The following COL4A5 variants were observed in gnomAD, a reference collection of about 807,000 sequenced individuals.
COL4A5 encodes the protein collagen alpha-5(IV) chain.
Under a neutral mutation model 130.2 loss-of-function variants are expected in COL4A5, and 26 were observed. That is an observed-to-expected ratio of 0.20 (90% CI 0.15 to 0.28). The LOEUF is 0.28. Ranked by LOEUF, COL4A5 falls within the 10% of genes least tolerant of loss-of-function variation. COL4A5 has a pLI of 1.00. For synonymous variants in COL4A5, 496 were observed against 439.6 expected (o/e 1.13, Z -1.60); for missense variants, 1,131 against 1,344.3 (o/e 0.84, Z 2.48).
intron 1 of COL4A5, among the ~76,000 whole-genome samples, chrX:108,527,920 A>G (rs1216427127): frequency 1.8e-5 from 2 of 111,320 alleles, no homozygotes; most frequent in Admixed American, 9.5e-5. Context: ...GTCAGTGCAC[A>G]CTGCTCAAGA....
At chrX:108,513,095 G>A (rs1417224411) in intron 1 of COL4A5, among the ~76,000 whole-genome samples, 1 of 111,807 alleles carries the variant, frequency 8.9e-6, no homozygotes, top group Non-Finnish European at 1.9e-5. Context: ...TTTTAAGCAG[G>A]CTTTGTGTGA....
intron 36 of COL4A5, among the ~76,000 whole-genome samples, chrX:108,648,539 C>T (rs746888207): frequency 1.3e-4 from 15 of 111,487 alleles, no homozygotes; most frequent in Non-Finnish European, 2.8e-4. Context: ...GATAATCCAC[C>T]ATGATCAGGT....
chrX:108,674,972 G>C (rs2068277965), intron 43 of COL4A5, among the ~76,000 whole-genome samples: 1 of 110,422 alleles, frequency 9.1e-6, no homozygotes, highest in Non-Finnish European at 1.9e-5. Context: ...TTTATAATAA[G>C]TAATCAATAC....
intron 1 of COL4A5, among the ~76,000 whole-genome samples, chrX:108,469,316 T>C (rs1449367379): frequency 9.2e-6 from 1 of 109,285 alleles, no homozygotes; most frequent in Non-Finnish European, 1.9e-5. Context: ...TTTTTTAATT[T>C]TTATTTTTTG....
intron 43 of COL4A5, among the ~76,000 whole-genome samples, chrX:108,674,979 A>G (rs2068278265): frequency 9.0e-6 from 1 of 110,849 alleles, no homozygotes; most frequent in Non-Finnish European, 1.9e-5. Flanking sequence ...TAAGTAATCA[A>G]TACATAAAGA....
At chrX:108,475,491 C>A (rs141636887) in intron 1 of COL4A5, among the ~76,000 whole-genome samples, 23 of 111,477 alleles carry the variant, frequency 2.1e-4, no homozygotes, top group African/African-American at 6.5e-4. Context: ...GAGAGCAAAG[C>A]AGTGAGATCA....
chrX:108,596,562 A>G (rs1329789830), intron 22 of COL4A5, among the ~76,000 whole-genome samples: 1 of 112,364 alleles, frequency 8.9e-6, no homozygotes, highest in Non-Finnish European at 1.9e-5. Context: ...ACCAAATTTC[A>G]GGGAATGACA....
At chrX:108,599,883 G>A (rs1346659390) in intron 25 of COL4A5, among the ~76,000 whole-genome samples, 1 of 112,065 alleles carries the variant, frequency 8.9e-6, no homozygotes, top group African/African-American at 3.2e-5. Flanking sequence ...ATGTATTTAA[G>A]ATTAGCATTT....
At chrX:108,692,303 T>C (rs2068650282) in intron 49 of COL4A5, among the ~76,000 whole-genome samples, 1 of 111,121 alleles carries the variant, frequency 9.0e-6, no homozygotes, top group African/African-American at 3.3e-5. Flanking sequence ...CTGGCCAGCA[T>C]TACTATTGTC....
chrX:108,593,745 G>A (rs1281931146), intron 21 of COL4A5, among the ~76,000 whole-genome samples: 1 of 110,660 alleles, frequency 9.0e-6, no homozygotes, highest in Non-Finnish European at 1.9e-5. Context: ...GTTTCTGACT[G>A]CTCTATTCTG....
At position 108,624,240 on chromosome X, in the gene COL4A5, A is replaced by G. The variant is rs868765944; in HGVS notation, c.2922A>G (p.Ile974Met). The G allele has an allele frequency of 1.7e-6, 2 of 1,205,799 alleles. No individual in the cohort carries two copies. The highest frequency in any genetic ancestry group is 5.9e-5 in the East Asian group (2 of 33,803). The change falls in exon 34 of 53, where the codon ATA becomes ATG. Residue 974 changes from isoleucine to methionine, a missense_variant. By Grantham distance (10) the Ile-to-Met change is conservative (BLOSUM62 1). Coordinates refer to ENST00000328300, the MANE Select transcript of COL4A5 (RefSeq NM_033380.3). ...GEKGEPGLPG[I>M]PGVSGPKGYQ... ...TCTTCTACTCATTCTTGGAAGGTAT[A>G]CCTGGAGTTTCAGGGCCAAAAGGTT...
At position 108,586,645 on chromosome X, in the gene COL4A5, A is replaced by C. The variant is rs867118537; in HGVS notation, c.1063A>C (p.Ile355Leu). 4 of 1,207,003 alleles carry C rather than the reference A, an allele frequency of 3.3e-6. No individual in the cohort carries two copies. Among genetic ancestry groups the C allele is most frequent in the Middle Eastern group, 2.3e-4 (1 of 4,337 alleles). Residue 355 changes from isoleucine to leucine, a missense_variant, in exon 19 of 53, where the codon ATA (isoleucine) becomes CTA (leucine). By Grantham distance (5) the Ile-to-Leu change is conservative. Coordinates refer to ENST00000328300, the MANE Select transcript of COL4A5 (RefSeq NM_033380.3). ...VIPRPGTGITIGEKGNIGLPG... is the reference protein window; with the variant it reads ...VIPRPGTGITLGEKGNIGLPG... ...TCCTAGACCTGGGACTGGTATAACT[A>C]TAGGAGAAAAAGGAAACATTGGGTT...
At chrX:108,648,218 C>G (rs950433057) in intron 36 of COL4A5, among the ~76,000 whole-genome samples, 2 of 110,056 alleles carry the variant, frequency 1.8e-5, no homozygotes, top group Admixed American at 2.0e-4. Flanking sequence ...AATTAGATAC[C>G]CTGAACAGAC....
intron 1 of COL4A5, among the ~76,000 whole-genome samples, chrX:108,461,262 A>G (rs1365395701): frequency 2.7e-5 from 3 of 111,837 alleles, no homozygotes; most frequent in East Asian, 5.6e-4. Flanking sequence ...TTCCAAATCC[A>G]TATTCTCAGT....
chrX:108,488,197 G>A (rs1209173113), intron 1 of COL4A5, among the ~76,000 whole-genome samples: 1 of 112,336 alleles, frequency 8.9e-6, no homozygotes, highest in Non-Finnish European at 1.9e-5. Context: ...TTGCAAACAT[G>A]TGCACACATT....
At chrX:108,486,368 C>A (rs965287765) in intron 1 of COL4A5, among the ~76,000 whole-genome samples, 1 of 111,342 alleles carries the variant, frequency 9.0e-6, no homozygotes, top group Admixed American at 9.5e-5. Context: ...ATGATCAATG[C>A]GGCCTTTTAT....
At chrX:108,686,201 T>C in intron 48 of COL4A5, 72 bp downstream of exon 48, 1 of 800,795 alleles carries the variant, frequency 1.2e-6, no homozygotes. Context: ...ACATAGGGCC[T>C]CCACTTAGAG....
intron 36 of COL4A5, among the ~76,000 whole-genome samples, chrX:108,630,911 A>C (rs755209412): frequency 7.1e-5 from 8 of 112,081 alleles, no homozygotes; most frequent in South Asian, 3.7e-4. Flanking sequence ...TTAAATAGGA[A>C]ATACTTTCTC....
chrX:108,606,993 C>G, intron 29 of COL4A5, 101 bp downstream of exon 29: 2 of 851,258 alleles, frequency 2.3e-6, no homozygotes, highest in Non-Finnish European at 3.5e-6. Flanking sequence ...ACTGGAAACC[C>G]TATGCTGCCA....
Sources: gnomAD v4.1 joint callset for allele counts (sites outside exome capture counted in the v4.1 genomes callset) on GRCh38, gnomAD v4.1.1 for gene constraint, MANE v1.5 for transcripts, NCBI Gene and HGNC (gene_info 2026-07-23, HGNC 2026-07-21) for gene names.